SEC22C: variants seen among roughly 807,000 people sequenced by gnomAD.
The protein encoded by SEC22C is vesicle-trafficking protein SEC22c.
A neutral mutation model predicts 34.7 loss-of-function variants in SEC22C; 29 were observed. The observed-to-expected ratio is 0.84, with a 90% confidence interval of 0.62 to 1.14. The LOEUF is 1.14. SEC22C is among the 50% of genes most tolerant of loss of function. SEC22C has a pLI of 0.00. For missense variants in SEC22C, 337 were observed against 369.0 expected (o/e 0.91, Z 0.71); for synonymous variants, 117 against 132.8 (o/e 0.88, Z 0.82).
At chr3:42,594,737 T>A in intron 1 of SEC22C, 1 of 367,542 alleles carries the variant, frequency 2.7e-6, no homozygotes, top group Non-Finnish European at 5.0e-6. Flanking sequence ...CTCAATAAGT[T>A]GAGCCCAGGT....
chr3:42,556,064 C>A, intron 5 of SEC22C, 69 bp from the exon 6 acceptor site: 1 of 1,203,410 alleles, frequency 8.3e-7, no homozygotes. Flanking sequence ...ACATAAAGCA[C>A]TTTACTCTGC....
intron 1 of SEC22C, among the ~76,000 whole-genome samples, chr3:42,575,986 AAT>A (rs1703937282): frequency 6.6e-6 from 1 of 152,192 alleles, no homozygotes; most frequent in Non-Finnish European, 1.5e-5. Flanking sequence ...AAACTCAATA[AAT>A]TTAAAATAAT....
upstream of SEC22C, among the ~76,000 whole-genome samples, chr3:42,585,262 T>C (rs1704573278): frequency 6.6e-6 from 1 of 152,208 alleles, no homozygotes; most frequent in Non-Finnish European, 1.5e-5. Context: ...TCAGGCACCA[T>C]GGTAGATTGG....
chr3:42,551,228 T>C lies in SEC22C; in HGVS notation c.*2020A>G. On this transcript the variant is annotated 3_prime_UTR_variant, in exon 7 of 7. Transcript: ENST00000264454. ...CTATTTCACCATCTCTTCAAAATTG[T>C]CTCCCAGAAAAACTGAAAATTCACC... 1.0e-6 allele frequency: 1 copy of C among 985,414 alleles called. No homozygotes were observed. Among genetic ancestry groups the C allele is most frequent in the African/African-American group, 1.7e-5 (1 of 57,352 alleles). 61.0% of individuals were successfully genotyped at this position (985,414 alleles called of 1,614,324 possible). A position where few individuals can be genotyped will look rare whatever the true frequency, so the allele number is the denominator to read the frequency against.
intron 1 of SEC22C, among the ~76,000 whole-genome samples, chr3:42,581,080 AACACT>A (rs1704311223): frequency 2.0e-5 from 3 of 152,382 alleles, no homozygotes; most frequent in Admixed American, 2.0e-4. Context: ...TTCCAGAGGA[AACACT>A]ATTTGTTTAT....
At chr3:42,554,996 C>CAAA (rs36073859) in intron 6 of SEC22C, among the ~76,000 whole-genome samples, 6 of 151,070 alleles carry the variant, frequency 4.0e-5, no homozygotes, top group African/African-American at 1.2e-4. Flanking sequence ...ACAACAACAA[C>CAAA]AAAAAAATCA....
intron 1 of SEC22C, among the ~76,000 whole-genome samples, chr3:42,596,478 G>A (rs1055952352): frequency 6.6e-6 from 1 of 152,190 alleles, no homozygotes; most frequent in Non-Finnish European, 1.5e-5. Flanking sequence ...CGTACTACCA[G>A]TGGTTCTTCT....
At chr3:42,582,135 G>A (rs556098711), upstream of SEC22C, 6 of 152,234 alleles carry the variant, frequency 3.9e-5, no homozygotes, top group African/African-American at 1.4e-4. Context: ...CCCAAACGGA[G>A]AGGGAGTGTG....
chr3:42,560,114 CTCTCTCTATATATA>C (rs1432763513), intron 4 of SEC22C, among the ~76,000 whole-genome samples: 7 of 114,616 alleles, frequency 6.1e-5, no homozygotes, highest in African/African-American at 2.4e-4. Context: ...CTCTCTCTCT[CTCTCTCTATATATA>C]TATATATATA....
intron 1 of SEC22C, among the ~76,000 whole-genome samples, chr3:42,597,324 C>T (rs537915771): frequency 5.9e-5 from 9 of 152,222 alleles, no homozygotes; most frequent in African/African-American, 1.7e-4. Flanking sequence ...GGGAGGCCAA[C>T]GCGGGCAGAT....
chr3:42,562,212 A>G (rs950573258), intron 3 of SEC22C, among the ~76,000 whole-genome samples: 1 of 152,216 alleles, frequency 6.6e-6, no homozygotes, highest in African/African-American at 2.4e-5. Flanking sequence ...CCACTCAACA[A>G]TGAGCAAACA....
At chr3:42,558,625 A>T (rs1217667964) in intron 4 of SEC22C, among the ~76,000 whole-genome samples, 3 of 148,370 alleles carry the variant, frequency 2.0e-5, no homozygotes, top group African/African-American at 7.4e-5. Context: ...CATCTCTATT[A>T]AAAAAAAAAT....
intron 2 of SEC22C, chr3:42,565,895 GA>G (rs1417009546): frequency 2.2e-6 from 1 of 455,980 alleles, no homozygotes; most frequent in East Asian, 6.9e-5. Context: ...TGTAAGAAAA[GA>G]AAGTCTATTT....
chr3:42,551,761 C>G lies in SEC22C; in HGVS notation c.*1487G>C, dbSNP rs1043387986. The stretch of plus-strand genomic sequence containing the variant: ...AAACTTATTTTTCTTAAAATGATAA[C>G]AAGGTAGCTCAATAACAATACAATA... On this transcript the variant is annotated 3_prime_UTR_variant, in exon 7 of 7. Transcript: ENST00000264454. 1 of 968,244 alleles carries G rather than the reference C, an allele frequency of 1.0e-6. No individual in the cohort carries two copies. The highest frequency in any genetic ancestry group is 1.2e-6 in the Non-Finnish European group (1 of 814,382). 60.0% of individuals were successfully genotyped at this position (968,244 alleles called of 1,614,324 possible). A position where few individuals can be genotyped will look rare whatever the true frequency, so the allele number is the denominator to read the frequency against.
intron 1 of SEC22C, among the ~76,000 whole-genome samples, chr3:42,572,645 C>G (rs1234971295): frequency 6.6e-6 from 1 of 152,174 alleles, no homozygotes; most frequent in Non-Finnish European, 1.5e-5. Context: ...AAGACAGTCC[C>G]TTGCTTCCCC....
chr3:42,600,941 C>A, intron 1 of SEC22C: 1 of 1,278,488 alleles, frequency 7.8e-7, no homozygotes. Context: ...CTCGCCCCCG[C>A]CCTCGCCCCT....
rs764464137 is a variant in SEC22C, at chr3:42,561,199, C to T, written c.444G>A (p.Gln148=). The T allele has an allele frequency of 6.8e-6, 11 of 1,614,190 alleles. No homozygotes were observed. Among genetic ancestry groups the T allele is most frequent in the Middle Eastern group, 1.6e-4 (1 of 6,062 alleles). Residue 148 remains glutamine (Q), a synonymous_variant, in exon 4 of 7, where the codon CAG becomes CAA. Coordinates refer to ENST00000264454, the MANE Select transcript of SEC22C (RefSeq NM_032970.4). ...LEKIQEELKL[Q]PPAVLTLEDT... ...CCTCCAGAGTGAGAACCGCTGGAGG[C>T]TGCAACTTGAGCTCCTCCTGAATTT... is the stretch of plus-strand genomic sequence containing the variant.
intron 1 of SEC22C, among the ~76,000 whole-genome samples, chr3:42,575,205 A>T (rs1406593242): frequency 6.6e-6 from 1 of 152,204 alleles, no homozygotes; most frequent in African/African-American, 2.4e-5. Flanking sequence ...GGAAAAGAAA[A>T]CAGAGAAATA....
At chr3:42,574,221 G>T (rs1453594139) in intron 1 of SEC22C, among the ~76,000 whole-genome samples, 1 of 152,008 alleles carries the variant, frequency 6.6e-6, no homozygotes, top group Non-Finnish European at 1.5e-5. Context: ...TAAAAGAAAA[G>T]AACTGCCAAC....
Sources: gnomAD v4.1 joint callset for allele counts (sites outside exome capture counted in the v4.1 genomes callset) on GRCh38, gnomAD v4.1.1 for gene constraint, MANE v1.5 for transcripts, NCBI Gene and HGNC (gene_info 2026-07-23, HGNC 2026-07-21) for gene names.